Variants in TM9SF3 observed in about 807,000 individuals in gnomAD.
The protein encoded by TM9SF3 is transmembrane 9 superfamily member 3, also known as SM-11044-binding protein.
A neutral mutation model predicts 78.6 loss-of-function variants in TM9SF3; 14 were observed. The ratio of observed to expected loss-of-function variants is 0.18; its 90% confidence interval spans 0.12 to 0.28. TM9SF3 has a LOEUF of 0.28. Among genes scored for constraint, TM9SF3 ranks in the 10% least tolerant of loss-of-function variants. The pLI, the probability that TM9SF3 is intolerant of heterozygous loss-of-function variation, is 1.00. For synonymous variants in TM9SF3, 231 were observed against 241.7 expected, an observed-to-expected ratio of 0.96 and a Z score of 0.41; for missense variants, 496 against 721.9, an observed-to-expected ratio of 0.69 and a Z score of 3.59.
At chr10:96,580,807 TTAAA>T (rs1181792107) in intron 1 of TM9SF3, among the ~76,000 whole-genome samples, 1 of 152,152 alleles carries the variant, frequency 6.6e-6, no homozygotes, top group Non-Finnish European at 1.5e-5. Flanking sequence ...ATATGAACAC[TTAAA>T]TAATCATCTC....
chr10:96,578,546 G>C (rs1848523692), intron 1 of TM9SF3, among the ~76,000 whole-genome samples: 1 of 152,168 alleles, frequency 6.6e-6, no homozygotes, highest in Non-Finnish European at 1.5e-5. Flanking sequence ...AGGAAGTAAT[G>C]AATCAAAGGT....
At chr10:96,570,505 A>G (rs1020102437) in intron 2 of TM9SF3, among the ~76,000 whole-genome samples, 1 of 152,254 alleles carries the variant, frequency 6.6e-6, no homozygotes, top group Non-Finnish European at 1.5e-5. Context: ...AGTACAAGGT[A>G]TAAGAAATCG....
Position 96,559,648 on chromosome 10 carries a change from T to C in TM9SF3, c.660+11A>G, listed in dbSNP as rs768063761. ...ACATAATCAATGTCTTAAAATACAC[T>C]ATTTACCTACCCGATGTTGAAAAAA... On this transcript the variant is annotated intron_variant, in intron 5 of 14. Transcript: ENST00000371142. 1.5e-5 allele frequency: 23 copies of C among 1,573,164 alleles called. 1 individual carries two copies. Among genetic ancestry groups the C allele is most frequent in the Admixed American group, 1.2e-4 (7 of 57,100 alleles).
intron 1 of TM9SF3, among the ~76,000 whole-genome samples, chr10:96,584,879 T>A (rs773278344): frequency 2.4e-4 from 37 of 152,194 alleles, no homozygotes; most frequent in Non-Finnish European, 4.9e-4. Flanking sequence ...AATATAGACA[T>A]GAAGTAATAT....
At chr10:96,552,025 G>T (rs1467432663) in intron 6 of TM9SF3, among the ~76,000 whole-genome samples, 1 of 152,086 alleles carries the variant, frequency 6.6e-6, no homozygotes, top group Admixed American at 6.6e-5. Context: ...ATTTCCTAAG[G>T]AATAGAAGTC....
chr10:96,576,614 G>T lies in TM9SF3; in HGVS notation c.298+20C>A. On this transcript the variant is annotated intron_variant, in intron 2 of 14. Coordinates refer to ENST00000371142, the MANE Select transcript of TM9SF3 (RefSeq NM_020123.4). ...TCTACAATCCAAATTGCATTGTAAG[G>T]ACTATTAAGGTTTACTTACCTTTAA... 3.2e-6 allele frequency: 5 copies of T among 1,551,272 alleles called. No homozygotes were observed. Among genetic ancestry groups the T allele is most frequent in the South Asian group, 2.5e-5 (2 of 80,408 alleles).
At chr10:96,560,299 G>A in intron 4 of TM9SF3, 1 of 752,894 alleles carries the variant, frequency 1.3e-6, no homozygotes, top group South Asian at 1.3e-5. Context: ...TGATGAAAAT[G>A]AGCACCAATT....
chr10:96,525,418 T>A (rs1589445042), intron 14 of TM9SF3, among the ~76,000 whole-genome samples: 1 of 152,028 alleles, frequency 6.6e-6, no homozygotes, highest in East Asian at 1.9e-4. Context: ...GAATGTTTCA[T>A]TCACTACTTT....
intron 3 of TM9SF3, among the ~76,000 whole-genome samples, chr10:96,564,437 A>T (rs1848346837): frequency 6.6e-6 from 1 of 152,198 alleles, no homozygotes; most frequent in Non-Finnish European, 1.5e-5. Context: ...CATAATGGTA[A>T]CTGCAGTCAT....
chr10:96,542,956 A>C (rs1848051494), intron 9 of TM9SF3, among the ~76,000 whole-genome samples: 1 of 152,248 alleles, frequency 6.6e-6, no homozygotes. Flanking sequence ...TATAATAGAA[A>C]GAAAACCCAA....
chr10:96,518,725 T>G lies in TM9SF3; in HGVS notation c.*3538A>C, dbSNP rs1564924709. ...ACACTGAATTTAAGTCTTACCAGAT[T>G]TCTGCAGGTTCATATGTTAACGTTC... On this transcript the variant is annotated 3_prime_UTR_variant, in exon 15 of 15. Transcript: ENST00000371142. The G allele has an allele frequency of 6.6e-6, 1 of 152,266 alleles. No individual in the cohort carries two copies. The highest frequency in any genetic ancestry group is 1.9e-4 in the East Asian group (1 of 5,190). 9.4% of individuals were successfully genotyped at this position (152,266 alleles called of 1,614,324 possible). A position where few individuals can be genotyped will look rare whatever the true frequency, so the allele number is the denominator to read the frequency against.
intron 3 of TM9SF3, 91 bp downstream of exon 3, chr10:96,565,213 G>GTGTAA: frequency 8.7e-7 from 1 of 1,147,970 alleles, no homozygotes; most frequent in Non-Finnish European, 1.2e-6. Flanking sequence ...TTTACACCAT[G>GTGTAA]ATCCAGTACA....
At chr10:96,534,029 A>G (rs1460477149) in intron 9 of TM9SF3, among the ~76,000 whole-genome samples, 2 of 152,222 alleles carry the variant, frequency 1.3e-5, no homozygotes, top group African/African-American at 2.4e-5. Flanking sequence ...ACTTTAGGTT[A>G]TAATAAATAG....
At chr10:96,563,168 T>C (rs1032211947) in intron 3 of TM9SF3, among the ~76,000 whole-genome samples, 4 of 152,146 alleles carry the variant, frequency 2.6e-5, no homozygotes, top group East Asian at 1.9e-4. Flanking sequence ...CTCAAACTCC[T>C]GGGCTCAAAC....
intron 9 of TM9SF3, among the ~76,000 whole-genome samples, chr10:96,534,453 G>A (rs907766434): frequency 7.2e-5 from 11 of 152,062 alleles, no homozygotes; most frequent in Admixed American, 7.2e-4. Flanking sequence ...TACATATGTC[G>A]TAAATATGGG....
At chr10:96,552,885 C>T in intron 6 of TM9SF3, 43 bp downstream of exon 6, 2 of 1,448,032 alleles carry the variant, frequency 1.4e-6, no homozygotes, top group Middle Eastern at 1.8e-4. Flanking sequence ...ACTTAACACT[C>T]AGTTAAAATG....
Position 96,520,051 on chromosome 10 carries a change from A to C in TM9SF3, c.*2212T>G, listed in dbSNP as rs535603323. On this transcript the variant is annotated 3_prime_UTR_variant, in exon 15 of 15. Coordinates refer to ENST00000371142, the MANE Select transcript of TM9SF3 (RefSeq NM_020123.4). ...TTACCTGCAAGATTCATATCATGAGAAACAAATTTCATTTTATTAAGACAA... is the reference window on the plus strand; with the variant it reads ...TTACCTGCAAGATTCATATCATGAGCAACAAATTTCATTTTATTAAGACAA... 1 of 152,064 alleles carries C rather than the reference A, an allele frequency of 6.6e-6. No homozygotes were observed. Among genetic ancestry groups the C allele is most frequent in the East Asian group, 1.9e-4 (1 of 5,184 alleles). 9.4% of individuals were successfully genotyped at this position (152,064 alleles called of 1,614,324 possible).
intron 11 of TM9SF3, among the ~76,000 whole-genome samples, chr10:96,529,667 G>A (rs1847875603): frequency 1.3e-5 from 2 of 151,292 alleles, no homozygotes; most frequent in South Asian, 4.2e-4. Context: ...AAAATCAGTG[G>A]ACGTACATTT....
chr10:96,520,954 A>G lies in TM9SF3; in HGVS notation c.*1309T>C, dbSNP rs1832917720. ...CCTTCTGGACAGAAAGATATCTTCAAATTGCAAACACATCTATTTCCACAA... is the reference window on the plus strand; with the variant it reads ...CCTTCTGGACAGAAAGATATCTTCAGATTGCAAACACATCTATTTCCACAA... On this transcript the variant is annotated 3_prime_UTR_variant, in exon 15 of 15. Transcript: ENST00000371142. 1 of 397,140 alleles carries G rather than the reference A, an allele frequency of 2.5e-6. No homozygotes were observed. The highest frequency in any genetic ancestry group is 4.5e-6 in the Non-Finnish European group (1 of 224,548). The allele number at this position is 397,140 out of a possible 1,614,324, so 24.6% of individuals were successfully genotyped here. A position where few individuals can be genotyped will look rare whatever the true frequency, so the allele number is the denominator to read the frequency against.
Sources: allele counts gnomAD v4.1 joint callset (sites outside exome capture counted in the v4.1 genomes callset), GRCh38; gene constraint gnomAD v4.1.1; transcripts MANE v1.5; gene names NCBI Gene and HGNC (gene_info 2026-07-23, HGNC 2026-07-21).